EIF5: variants seen among roughly 807,000 people sequenced by gnomAD.
EIF5 encodes eukaryotic translation initiation factor 5.
A neutral mutation model predicts 48.3 loss-of-function variants in EIF5; 10 were observed. The ratio of observed to expected loss-of-function variants is 0.21; its 90% CI spans 0.13 to 0.35. The LOEUF is 0.35. Among genes scored for constraint, EIF5 ranks in the 10% least tolerant of loss-of-function variants. The probability of loss-of-function intolerance (pLI) is 1.00; values close to 1 mark genes in which losing one functional copy is unlikely to be tolerated. For synonymous variants in EIF5, 237 were observed against 173.1 expected, an observed-to-expected ratio of 1.37 and a Z score of -2.90; for missense variants, 397 against 533.2, an observed-to-expected ratio of 0.74 and a Z score of 2.51.
chr14:103,336,673 A>C lies in EIF5; in HGVS notation c.155-4A>C. The C allele has an allele frequency of 1.2e-6, 2 of 1,603,502 alleles. No individual in the cohort carries two copies. The highest frequency in any genetic ancestry group is 1.7e-6 in the Non-Finnish European group (2 of 1,176,224). The stretch of plus-strand genomic sequence containing the variant: ...CGATCCAAACTCCTTTTTCATTCAA[A>C]TAGATCCCACCAAATATTTTGGTTG... On this transcript the variant is annotated splice_region_variant and splice_polypyrimidine_tract_variant and intron_variant, in intron 4 of 11. Coordinates refer to ENST00000216554, the MANE Select transcript of EIF5 (RefSeq NM_001969.5).
In EIF5 at chr14:103,343,465, T is replaced by G. The variant is rs1225339132; in HGVS notation, c.*2413T>G. 1.3e-5 allele frequency: 2 copies of G among 152,218 alleles called. No individual in the cohort carries two copies. The highest frequency in any genetic ancestry group is 2.9e-5 in the Non-Finnish European group (2 of 68,038). The allele number at this position is 152,218 out of a possible 1,614,324, so 9.4% of individuals were successfully genotyped here. On this transcript the variant is annotated 3_prime_UTR_variant, in exon 12 of 12. Coordinates refer to ENST00000216554, the MANE Select transcript of EIF5 (RefSeq NM_001969.5). ...GTAACTGTGAATAATTGTATATATC[T>G]CTAGTTAAGAATGAGGGAATGGGGA...
chr14:103,336,325 T>A, intron 4 of EIF5: 1 of 634,950 alleles, frequency 1.6e-6, no homozygotes, highest in South Asian at 2.0e-5. Flanking sequence ...CTCACACCTG[T>A]AACCCCCAGC....
intron 2 of EIF5, 135 bp downstream of exon 2, chr14:103,334,732 C>T (rs975691681): frequency 2.1e-5 from 3 of 145,300 alleles, no homozygotes; most frequent in African/African-American, 4.9e-5. Context: ...CGGCCGCCCC[C>T]TCCCCGCGCG....
chr14:103,335,857 C>T lies in EIF5; in HGVS notation c.-4C>T, dbSNP rs1173081972. ...CTTATTGATAAAGCCACTAATAAGC[C>T]AAAATGTCTGTCAATGTCAACCGCA... On this transcript the variant is annotated 5_prime_UTR_variant, in exon 3 of 12. Coordinates refer to ENST00000216554, the MANE Select transcript of EIF5 (RefSeq NM_001969.5). The T allele has an allele frequency of 3.7e-6, 6 of 1,613,970 alleles. No individual in the cohort carries two copies. Among genetic ancestry groups the T allele is most frequent in the African/African-American group, 1.3e-5 (1 of 74,890 alleles).
rs1337863565 is a variant in EIF5 at position 103,344,115 on chromosome 14, G to T, written c.*3063G>T. 1 of 152,200 alleles carries T rather than the reference G, an allele frequency of 6.6e-6. No individual in the cohort carries two copies. Among genetic ancestry groups the T allele is most frequent in the Non-Finnish European group, 1.5e-5 (1 of 68,044 alleles). The allele number at this position is 152,200 out of a possible 1,614,324, so 9.4% of individuals were successfully genotyped here. ...CATCTCTGTCCCCAGTACAGATCTT[G>T]ATTCATAGTGACATTCCATAAGTGG... is the stretch of plus-strand genomic sequence containing the variant. On this transcript the variant is annotated 3_prime_UTR_variant, in exon 12 of 12. Transcript: ENST00000216554.
At chr14:103,339,843 T>G in intron 10 of EIF5, 40 bp downstream of exon 10, 200 of 1,583,984 alleles carry the variant, frequency 1.3e-4, no homozygotes, top group Non-Finnish European at 1.5e-4. Context: ...TTCACAGGTT[T>G]TGGGGGGTTT....
At chr14:103,339,880 A>G (rs1235731750) in intron 10 of EIF5, 77 bp downstream of exon 10, 6 of 1,486,590 alleles carry the variant, frequency 4.0e-6, no homozygotes, top group Non-Finnish European at 3.6e-6. Context: ...GTTTTTGGAG[A>G]CGGAGTCTCA....
At chr14:103,340,044 A>T (rs1011060329) in intron 10 of EIF5, among the ~76,000 whole-genome samples, 3 of 152,110 alleles carry the variant, frequency 2.0e-5, no homozygotes, top group Non-Finnish European at 2.9e-5. Context: ...TTTTTAGTAG[A>T]TGGGGTTTTA....
chr14:103,337,567 A>G (rs1025849970), intron 6 of EIF5: 2 of 356,620 alleles, frequency 5.6e-6, no homozygotes, highest in Non-Finnish European at 1.0e-5. Flanking sequence ...GTGCCACTGC[A>G]CTCCAGCTTG....
rs1207455085 is a variant in EIF5 at position 103,341,833 on chromosome 14, T to G, written c.*781T>G. The G allele has an allele frequency of 1.3e-5, 2 of 152,244 alleles. No homozygotes were observed. Among genetic ancestry groups the G allele is most frequent in the East Asian group, 1.9e-4 (1 of 5,156 alleles). 9.4% of individuals were successfully genotyped at this position (152,244 alleles called of 1,614,324 possible). On this transcript the variant is annotated 3_prime_UTR_variant, in exon 12 of 12. Coordinates refer to ENST00000216554, the MANE Select transcript of EIF5 (RefSeq NM_001969.5). The stretch of plus-strand genomic sequence containing the variant: ...TTGTGTGTACGTAGTAGTTACTTTG[T>G]ACTGAGAGAACTTGCTTTGGGGTGC...
intron 5 of EIF5, 129 bp from the exon 6 acceptor site, chr14:103,336,987 C>A: frequency 7.3e-7 from 1 of 1,372,126 alleles, no homozygotes; most frequent in Non-Finnish European, 9.8e-7. Context: ...TATTTCCATT[C>A]TTTTTTTTAA....
rs189689070 is a variant in EIF5 at position 103,340,019 on chromosome 14, C to T, written c.1071+216C>T. On this transcript the variant is annotated intron_variant, in intron 10 of 11. Coordinates refer to ENST00000216554, the MANE Select transcript of EIF5 (RefSeq NM_001969.5). Reference sequence around the variant, plus strand: ...GATTACAGGCACCTGCGATCATGCCCAGCTAATTTTTGTATTTTTAGTAGA... The same window carrying T: ...GATTACAGGCACCTGCGATCATGCCTAGCTAATTTTTGTATTTTTAGTAGA... Among the ~76,000 whole-genome samples, 585 of 152,236 alleles carry T rather than the reference C, an allele frequency of 3.8e-3. 5 individuals carry two copies. The highest frequency in any genetic ancestry group is 0.013 in the African/African-American group (560 of 41,538).
intron 3 of EIF5, 22 bp from the exon 4 acceptor site, chr14:103,336,014 C>T: frequency 6.2e-7 from 1 of 1,613,986 alleles, no homozygotes. Context: ...AACTGCACAA[C>T]TAAAATTCTT....
Position 103,335,699 on chromosome 14 carries a change from C to T in EIF5, c.-162C>T. 2 of 665,788 alleles carry T rather than the reference C, an allele frequency of 3.0e-6. No homozygotes were observed. The highest frequency in any genetic ancestry group is 2.6e-6 in the Non-Finnish European group (1 of 381,852). 41.2% of individuals were successfully genotyped at this position (665,788 alleles called of 1,614,324 possible). On this transcript the variant is annotated 5_prime_UTR_variant, in exon 3 of 12. Coordinates refer to ENST00000216554, the MANE Select transcript of EIF5 (RefSeq NM_001969.5). ...ACCTGTATTGGGGAAACATAGCATACAAGCAAGAAGCTTACAGCCTCAGTG... is the reference window on the plus strand; with the variant it reads ...ACCTGTATTGGGGAAACATAGCATATAAGCAAGAAGCTTACAGCCTCAGTG...
At position 103,335,639 on chromosome 14, in the gene EIF5, C is replaced by T. The variant is rs2089276319; in HGVS notation, c.-208-14C>T. The T allele has an allele frequency of 7.1e-6, 4 of 564,546 alleles. No homozygotes were observed. The highest frequency in any genetic ancestry group is 3.2e-5 in the Admixed American group (1 of 31,520). The allele number at this position is 564,546 out of a possible 1,614,324, so 35.0% of individuals were successfully genotyped here. ...TGGGGGGATTTTTGTGTGTTCTTTC[C>T]CTTTTTCTTTCAGAGCTGTTGCGCA... On this transcript the variant is annotated splice_polypyrimidine_tract_variant and intron_variant, in intron 2 of 11. Transcript: ENST00000216554.
rs535010853 is a variant in EIF5, at chr14:103,344,929, G to GA, written c.*3883dup. 1.3e-5 allele frequency: 2 copies of GA among 152,038 alleles called. No individual in the cohort carries two copies. Among genetic ancestry groups the GA allele is most frequent in the Admixed American group, 6.5e-5 (1 of 15,284 alleles). The allele number at this position is 152,038 out of a possible 1,614,324, so 9.4% of individuals were successfully genotyped here. ...ATGTGACAAAAGATGTTGAAAGGAT[G>GA]AAAAAAGGTATAGTAGACATACACT... On this transcript the variant is annotated 3_prime_UTR_variant, in exon 12 of 12. Transcript: ENST00000216554.
At chr14:103,339,457 C>A in intron 9 of EIF5, 124 bp downstream of exon 9, 2 of 1,423,750 alleles carry the variant, frequency 1.4e-6, no homozygotes, top group Non-Finnish European at 1.9e-6. Context: ...ACCTTACAAG[C>A]CTCTGAGTAT....
chr14:103,334,729 C>T (rs909987415), intron 2 of EIF5, 132 bp downstream of exon 2: 11 of 146,740 alleles, frequency 7.5e-5, no homozygotes, highest in African/African-American at 2.7e-4. Context: ...CGCCGGCCGC[C>T]CCCTCCCCGC....
At chr14:103,335,613 C>A in intron 2 of EIF5, 40 bp from the exon 3 acceptor site, 1 of 544,270 alleles carries the variant, frequency 1.8e-6, no homozygotes, top group South Asian at 2.4e-5. Flanking sequence ...GATGTTAAAC[C>A]TGGGGGGATT....
Sources: gnomAD v4.1 joint callset for allele counts (sites outside exome capture counted in the v4.1 genomes callset) on GRCh38, gnomAD v4.1.1 for gene constraint, MANE v1.5 for transcripts, NCBI Gene and HGNC (gene_info 2026-07-23, HGNC 2026-07-21) for gene names.